THSD7A: variants seen among roughly 807,000 people sequenced by gnomAD.
THSD7A encodes thrombospondin type 1 domain containing 7A.
THSD7A carries 96 observed loss-of-function variants against 231.3 expected under a neutral mutation model. The observed-to-expected ratio is 0.41, with a 90% CI of 0.35 to 0.49. The LOEUF (loss-of-function observed/expected upper bound fraction) is 0.49, where lower values mean the gene tolerates loss of function less well. Among genes scored for constraint, THSD7A ranks in the 20% least tolerant of loss-of-function variants. The pLI, the probability that THSD7A is intolerant of heterozygous loss-of-function variation, is 0.05. For missense variants in THSD7A, 2,290 were observed against 2,070.2 expected, an observed-to-expected ratio of 1.11 and a Z score of -2.06; for synonymous variants, 940 against 743.3, an observed-to-expected ratio of 1.26 and a Z score of -4.30.
chr7:11,813,747 T>G (rs948857179), intron 1 of THSD7A, among the ~76,000 whole-genome samples: 1 of 111,566 alleles, frequency 9.0e-6, no homozygotes, highest in Non-Finnish European at 2.0e-5. Flanking sequence ...ATAATAATAA[T>G]AATAATAATA....
intron 1 of THSD7A, among the ~76,000 whole-genome samples, chr7:11,694,078 A>G (rs1383679159): frequency 1.3e-5 from 2 of 151,528 alleles, no homozygotes; most frequent in Non-Finnish European, 3.0e-5. Context: ...GTATGAATGA[A>G]GGTAGTAAAG....
chr7:11,446,135 C>T lies in THSD7A; in HGVS notation c.2990G>A (p.Gly997Glu). ...VQGDIKECGQGYRYQAMACYD... is the reference protein window; with the variant it reads ...VQGDIKECGQEYRYQAMACYD... Reference sequence around the variant, plus strand: ...GCATGCCATTGCTTGGTAACGATATCCTTGTCCGCATTCCTTGATGTCTCC... The same window carrying T: ...GCATGCCATTGCTTGGTAACGATATTCTTGTCCGCATTCCTTGATGTCTCC... The change falls in exon 13 of 28, where the codon GGA becomes GAA. Residue 997 changes from glycine to glutamate, a missense_variant. Transcript: ENST00000423059. This position sits in a 1 kb window ranked among gnomAD's most constrained non-coding sequence, Gnocchi z 4.0. 1.2e-6 allele frequency: 2 copies of T among 1,613,488 alleles called. No individual in the cohort carries two copies. Among genetic ancestry groups the T allele is most frequent in the Non-Finnish European group, 1.7e-6 (2 of 1,179,614 alleles).
chr7:11,804,964 C>G (rs1288920227), intron 1 of THSD7A, among the ~76,000 whole-genome samples: 1 of 152,002 alleles, frequency 6.6e-6, no homozygotes, highest in Non-Finnish European at 1.5e-5. Flanking sequence ...ATTCATGAAC[C>G]CTCATATTTT....
chr7:11,591,978 AG>A (rs1780183046), intron 3 of THSD7A, among the ~76,000 whole-genome samples: 1 of 152,246 alleles, frequency 6.6e-6, no homozygotes, highest in African/African-American at 2.4e-5. Flanking sequence ...AAGATACTCA[AG>A]GATATATGTT....
intron 19 of THSD7A, 24 bp from the exon 20 acceptor site, chr7:11,407,447 G>A: frequency 6.4e-7 from 1 of 1,567,948 alleles, no homozygotes. Context: ...GGTAGATCAG[G>A]ATGTATATTG....
intron 15 of THSD7A, among the ~76,000 whole-genome samples, chr7:11,425,326 T>C (rs1392639425): frequency 6.6e-6 from 1 of 152,150 alleles, no homozygotes; most frequent in Non-Finnish European, 1.5e-5. Context: ...TAAATAATGA[T>C]GAGAATTTAG....
intron 1 of THSD7A, among the ~76,000 whole-genome samples, chr7:11,822,767 G>C (rs1288442600): frequency 1.3e-5 from 2 of 151,634 alleles, no homozygotes; most frequent in East Asian, 3.9e-4. Context: ...TTTTTAGTGG[G>C]ATTTTTAAAA....
chr7:11,414,841 G>A (rs532269097), intron 17 of THSD7A, among the ~76,000 whole-genome samples: 6 of 152,124 alleles, frequency 3.9e-5, no homozygotes, highest in South Asian at 2.1e-4. Flanking sequence ...GGTCTTGTTC[G>A]TTTCTGCAGT....
chr7:11,699,001 G>A (rs1301083002), intron 1 of THSD7A, among the ~76,000 whole-genome samples: 2 of 143,498 alleles, frequency 1.4e-5, no homozygotes, highest in Non-Finnish European at 3.0e-5. Flanking sequence ...CATTCACAAT[G>A]CCAAGGTACT....
At chr7:11,550,641 C>T (rs768657711) in intron 4 of THSD7A, among the ~76,000 whole-genome samples, 6 of 152,216 alleles carry the variant, frequency 3.9e-5, no homozygotes, top group South Asian at 2.1e-4. Flanking sequence ...GCCTTCCCAG[C>T]GATGTGGAAC....
intron 6 of THSD7A, among the ~76,000 whole-genome samples, chr7:11,503,140 A>G (rs1016392209): frequency 6.6e-6 from 1 of 152,118 alleles, no homozygotes; most frequent in African/African-American, 2.4e-5. Flanking sequence ...CAGAATAGAG[A>G]GCCCAGAAAT....
At chr7:11,432,884 T>C (rs1387167431) in intron 13 of THSD7A, among the ~76,000 whole-genome samples, 2 of 151,930 alleles carry the variant, frequency 1.3e-5, no homozygotes, top group Non-Finnish European at 2.9e-5. Context: ...CCATTGTAAA[T>C]GAAGTATAAA....
intron 7 of THSD7A, among the ~76,000 whole-genome samples, chr7:11,481,365 A>C (rs559375844): frequency 6.6e-6 from 1 of 152,184 alleles, no homozygotes; most frequent in African/African-American, 2.4e-5. Flanking sequence ...GATTTTAAAT[A>C]AACTTTATGA....
chr7:11,401,925 C>T lies in THSD7A; in HGVS notation c.4281G>A (p.Gln1427=). 6.2e-7 allele frequency: 1 copy of T among 1,613,666 alleles called. No homozygotes were observed. The highest frequency in any genetic ancestry group is 8.5e-7 in the Non-Finnish European group (1 of 1,179,790). Residue 1427 remains glutamine, a synonymous_variant, in exon 23 of 28, where the codon CAG becomes CAA. Transcript: ENST00000423059. ...GATCCTCACCATTCACACAGGTCAG[C>T]TGACACAGGCTCCAGGAAGACCAGT... ...LKDWSSWSLC[Q]LTCVNGEDLG... is the part of the protein sequence containing the mutation.
At chr7:11,709,323 A>C (rs1780874926) in intron 1 of THSD7A, among the ~76,000 whole-genome samples, 1 of 150,744 alleles carries the variant, frequency 6.6e-6, no homozygotes, top group African/African-American at 2.4e-5. Context: ...ATTTATACCA[A>C]GAAATACCCT....
At chr7:11,405,883 G>T (rs1331314497) in intron 22 of THSD7A, among the ~76,000 whole-genome samples, 1 of 152,104 alleles carries the variant, frequency 6.6e-6, no homozygotes, top group Non-Finnish European at 1.5e-5. Context: ...TGGACCCAGG[G>T]TAAGCTGTTA....
In THSD7A at chr7:11,832,099, A is replaced by C. The variant is rs1166116705; in HGVS notation, c.-153T>G. On this transcript the variant is annotated 5_prime_UTR_variant, in exon 1 of 28. Transcript: ENST00000423059. ...GAGAAGGAGGGAGAGCGCGTCTAAC[A>C]CCAGGGAACAATAGCGTCCGCGGTG... The C allele has an allele frequency of 2.2e-6, 1 of 454,238 alleles. No individual in the cohort carries two copies. The highest frequency in any genetic ancestry group is 3.4e-6 in the Non-Finnish European group (1 of 295,694). 28.1% of individuals were successfully genotyped at this position (454,238 alleles called of 1,614,324 possible).
chr7:11,541,653 A>T, intron 5 of THSD7A, 22 bp from the exon 6 acceptor site: 3 of 1,603,248 alleles, frequency 1.9e-6, no homozygotes, highest in Non-Finnish European at 2.6e-6. Flanking sequence ...GGGAAGGAAA[A>T]ATCTATTGTT....
chr7:11,546,196 G>GCGCA lies in THSD7A; in HGVS notation c.1454-3080_1454-3079insTGCG, dbSNP rs1554335259. ...TGCTGCTCTGTTGTTGCTGGTGTGG[G>GCGCA]CGCGCGCTCACACACACACACACAC... On this transcript the variant is annotated intron_variant, in intron 4 of 27. Transcript: ENST00000423059. 2.0e-3 allele frequency among the ~76,000 whole-genome samples: 75 copies of GCGCA among 36,952 alleles called. 2 individuals are homozygous for GCGCA. The South Asian group carries it at 0.032, about 16-fold the overall frequency. The allele number at this position is 36,952 out of a possible 152,430, so 24.2% of individuals were successfully genotyped here. A position where few individuals can be genotyped will look rare whatever the true frequency, so the allele number is the denominator to read the frequency against.
Sources: gnomAD v4.1 joint callset for allele counts (sites outside exome capture counted in the v4.1 genomes callset) on GRCh38, gnomAD v4.1.1 for gene constraint, Gnocchi (gnomAD v3.1) non-coding constraint, MANE v1.5 for transcripts, NCBI Gene and HGNC (gene_info 2026-07-23, HGNC 2026-07-21) for gene names.